Variants in RBFOX1 observed in about 807,000 individuals in gnomAD.
The protein encoded by RBFOX1 is RNA binding fox-1 homolog 1.
Under a neutral mutation model 57.7 loss-of-function variants are expected in RBFOX1, and 8 were observed. That is an observed-to-expected ratio of 0.14 (90% CI 0.08 to 0.25). The LOEUF is 0.25. Ranked by LOEUF, RBFOX1 falls within the 10% of genes least tolerant of loss-of-function variation. The pLI, the probability that RBFOX1 is intolerant of heterozygous loss-of-function variation, is 1.00. For missense variants in RBFOX1, 611 were observed against 548.5 expected, an observed-to-expected ratio of 1.11 and a Z score of -1.14; for synonymous variants, 326 against 222.4, an observed-to-expected ratio of 1.47 and a Z score of -4.15.
At chr16:5,724,788 C>T (rs971088118) in intron 3 of RBFOX1, among the ~76,000 whole-genome samples, 1 of 151,486 alleles carries the variant, frequency 6.6e-6, no homozygotes, top group Admixed American at 6.6e-5. Context: ...TTATATTCTT[C>T]TCCTTGTTGG....
At chr16:7,521,632 A>G (rs1283422942) in intron 5 of RBFOX1, among the ~76,000 whole-genome samples, 3 of 152,230 alleles carry the variant, frequency 2.0e-5, no homozygotes, top group African/African-American at 4.8e-5. Context: ...CCTTAGGAGA[A>G]TATAGGATTT....
chr16:5,785,582 C>T (rs1299063188), intron 3 of RBFOX1, among the ~76,000 whole-genome samples: 2 of 151,962 alleles, frequency 1.3e-5, no homozygotes, highest in African/African-American at 2.4e-5. Context: ...GACTGGAGTG[C>T]AATGGCATGA....
At chr16:7,198,717 G>T (rs192935138) in intron 4 of RBFOX1, among the ~76,000 whole-genome samples, 1 of 152,302 alleles carries the variant, frequency 6.6e-6, no homozygotes, top group African/African-American at 2.4e-5. Context: ...CTAACTCACT[G>T]CAGCAGTAAT....
chr16:6,724,628 C>G (rs894576070), intron 3 of RBFOX1, among the ~76,000 whole-genome samples: 1 of 152,152 alleles, frequency 6.6e-6, no homozygotes, highest in East Asian at 1.9e-4. Context: ...TTAGAAGCCA[C>G]CCAGTCTGTG....
chr16:7,516,654 G>C (rs1354939361), intron 4 of RBFOX1, among the ~76,000 whole-genome samples: 5 of 152,186 alleles, frequency 3.3e-5, no homozygotes, highest in Non-Finnish European at 7.3e-5. Context: ...TTTGTTTCCA[G>C]TGGCACAGAC....
intron 4 of RBFOX1, among the ~76,000 whole-genome samples, chr16:7,058,639 A>G (rs2053255865): frequency 6.8e-6 from 1 of 146,962 alleles, no homozygotes; most frequent in Admixed American, 6.7e-5. Flanking sequence ...AAAAAAGATT[A>G]AACTAATTAA....
intron 3 of RBFOX1, among the ~76,000 whole-genome samples, chr16:5,761,660 A>C (rs1180885425): frequency 6.6e-6 from 1 of 152,202 alleles, no homozygotes; most frequent in Non-Finnish European, 1.5e-5. Context: ...CCATGTTTGA[A>C]TTACCTCTCA....
chr16:6,631,461 C>T (rs928938390), intron 2 of RBFOX1, among the ~76,000 whole-genome samples: 3 of 151,140 alleles, frequency 2.0e-5, no homozygotes, highest in Admixed American at 6.6e-5. Context: ...TGTGTAGCAA[C>T]GTGTGTAAAA....
At chr16:5,827,908 TCCATCCATCCAC>T (rs2056125761) in intron 3 of RBFOX1, among the ~76,000 whole-genome samples, 2 of 138,212 alleles carry the variant, frequency 1.4e-5, no homozygotes, top group Admixed American at 7.0e-5. Flanking sequence ...CATCCATCCA[TCCATCCATCCAC>T]CCATCCACCC....
chr16:5,876,675 G>C (rs780209515), intron 4 of RBFOX1, among the ~76,000 whole-genome samples: 3 of 152,070 alleles, frequency 2.0e-5, no homozygotes, highest in African/African-American at 4.8e-5. Flanking sequence ...ATTTCCTACA[G>C]TTTTGACACC....
At chr16:6,824,395 G>A (rs1051799435) in intron 3 of RBFOX1, among the ~76,000 whole-genome samples, 3 of 152,172 alleles carry the variant, frequency 2.0e-5, no homozygotes, top group Admixed American at 1.3e-4. Context: ...GCAACAGAGC[G>A]AGATTCCATG....
At chr16:6,856,258 G>C (rs187633116) in intron 3 of RBFOX1, among the ~76,000 whole-genome samples, 2 of 152,110 alleles carry the variant, frequency 1.3e-5, no homozygotes, top group African/African-American at 4.8e-5. Flanking sequence ...CATCTGCTCA[G>C]ATCTTTTTAG....
intron 3 of RBFOX1, among the ~76,000 whole-genome samples, chr16:5,782,903 C>T (rs190018326): frequency 3.3e-5 from 5 of 152,244 alleles, no homozygotes; most frequent in African/African-American, 1.2e-4. Flanking sequence ...AGGGTGAATT[C>T]CTCTTTCCTC....
At chr16:6,431,349 G>A (rs56046013) in intron 2 of RBFOX1, among the ~76,000 whole-genome samples, 1 of 151,996 alleles carries the variant, frequency 6.6e-6, no homozygotes, top group East Asian at 1.9e-4. Context: ...TGGCAACAGA[G>A]GAAATATGGA....
intron 4 of RBFOX1, among the ~76,000 whole-genome samples, chr16:7,079,877 C>A (rs1463210303): frequency 1.3e-5 from 2 of 151,536 alleles, no homozygotes; most frequent in Non-Finnish European, 1.5e-5. Flanking sequence ...GTGTAGAATT[C>A]CAGTTTTGCA....
intron 3 of RBFOX1, among the ~76,000 whole-genome samples, chr16:5,613,648 A>C (rs2047908151): frequency 6.6e-6 from 1 of 152,202 alleles, no homozygotes; most frequent in South Asian, 2.1e-4. Flanking sequence ...GAGGCAGTCC[A>C]GTACCAGGAC....
intron 5 of RBFOX1, among the ~76,000 whole-genome samples, chr16:7,541,438 C>A (rs904425985): frequency 6.6e-6 from 1 of 151,800 alleles, no homozygotes; most frequent in Non-Finnish European, 1.5e-5. Context: ...GTCAAAGGAT[C>A]TCATTAGTGT....
chr16:7,495,434 CAA>C (rs570994043), intron 4 of RBFOX1, among the ~76,000 whole-genome samples: 416 of 152,322 alleles, frequency 2.7e-3, no homozygotes, highest in South Asian at 4.8e-3. Context: ...ACACACCCAC[CAA>C]AAGTGTATCA....
chr16:5,331,490 C>G (rs1193975185), intron 1 of RBFOX1, among the ~76,000 whole-genome samples: 1 of 152,198 alleles, frequency 6.6e-6, no homozygotes, highest in African/African-American at 2.4e-5. Flanking sequence ...GTCTGTCTTA[C>G]CAATTCTGGA....
Sources: gnomAD v4.1 joint callset for allele counts (sites outside exome capture counted in the v4.1 genomes callset) on GRCh38, gnomAD v4.1.1 for gene constraint, MANE v1.5 for transcripts, NCBI Gene and HGNC (gene_info 2026-07-23, HGNC 2026-07-21) for gene names.